Variants in PRKAR1A observed in about 807,000 individuals in gnomAD.
The protein encoded by PRKAR1A is protein kinase cAMP-dependent type I regulatory subunit alpha, also known as cAMP-dependent protein kinase type I-alpha regulatory subunit.
In PRKAR1A, 3 loss-of-function variants were observed where a neutral mutation model predicts 52.0. The ratio of observed to expected loss-of-function variants is 0.06; its 90% CI spans 0.03 to 0.15. The LOEUF (loss-of-function observed/expected upper bound fraction) is 0.15. Ranked by LOEUF, PRKAR1A falls within the 10% of genes least tolerant of loss-of-function variation. PRKAR1A has a pLI of 1.00. For synonymous variants in PRKAR1A, 188 were observed against 168.4 expected (o/e 1.12, Z -0.90); for missense variants, 240 against 477.4 (o/e 0.50, Z 4.63).
the PRKAR1A span, chr17:68,427,118 G>A: frequency 1.2e-6 from 2 of 1,602,674 alleles, no homozygotes; most frequent in East Asian, 2.2e-5. Flanking sequence ...TCCCCTGTTG[G>A]CCCCGTGTCC....
At chr17:68,425,063 G>A in the PRKAR1A span, among the ~76,000 whole-genome samples, 2,566 of 152,298 alleles carry the variant, frequency 0.017, 82 homozygotes, top group African/African-American at 0.059. Context: ...TCCAGGTGAT[G>A]GAAGAAGCCA....
chr17:68,484,800 G>C, the PRKAR1A span, among the ~76,000 whole-genome samples: 2 of 152,142 alleles, frequency 1.3e-5, no homozygotes, highest in Non-Finnish European at 2.9e-5. Context: ...AGCAAGTGAG[G>C]GTGAAGTCTC....
At chr17:68,514,985 A>G (rs913001691) in intron 1 of PRKAR1A, 2 of 273,874 alleles carry the variant, frequency 7.3e-6, no homozygotes, top group Non-Finnish European at 1.4e-5. Context: ...TTTCGCTTAC[A>G]GTTGACTTTT....
intron 2 of PRKAR1A, among the ~76,000 whole-genome samples, chr17:68,518,255 G>A (rs2085493067): frequency 6.6e-6 from 1 of 152,210 alleles, no homozygotes; most frequent in African/African-American, 2.4e-5. Flanking sequence ...GTTCCATTAG[G>A]CAGTGCTGCA....
chr17:68,545,957 C>T (rs2086535886), intron 11 of PRKAR1A, among the ~76,000 whole-genome samples: 1 of 152,138 alleles, frequency 6.6e-6, no homozygotes, highest in Non-Finnish European at 1.5e-5. Context: ...ATCACGAGGT[C>T]AGGTGATTGA....
the PRKAR1A span, among the ~76,000 whole-genome samples, chr17:68,419,636 G>A: frequency 6.6e-6 from 1 of 152,082 alleles, no homozygotes; most frequent in Non-Finnish European, 1.5e-5. Context: ...ATGTTCTACT[G>A]GCCCTGAAGG....
the PRKAR1A span, chr17:68,425,790 G>T: frequency 2.8e-6 from 1 of 351,716 alleles, no homozygotes. Context: ...CAGAAGCAAA[G>T]TAAGGGATCG....
chr17:68,529,238 A>G (rs917746775), intron 9 of PRKAR1A, among the ~76,000 whole-genome samples: 1 of 152,228 alleles, frequency 6.6e-6, no homozygotes, highest in African/African-American at 2.4e-5. Flanking sequence ...GGCCCTAGAC[A>G]TGAAAAGCCA....
At position 68,520,953 on chromosome 17, in the gene PRKAR1A, TA is replaced by T. The variant is rs751137024; in HGVS notation, c.178-1802del. On this transcript the variant is annotated intron_variant, in intron 2 of 10. Coordinates refer to ENST00000589228, the MANE Select transcript of PRKAR1A (RefSeq NM_002734.5). ...GTGTGTTTTATTTTATTTTTATTAT[TA>T]TTTTTTTGAGACAGTCTTGCTCTGT... Among the ~76,000 whole-genome samples, 179 of 152,304 alleles carry T rather than the reference TA, an allele frequency of 1.2e-3. 2 individuals carry two copies. Among genetic ancestry groups the T allele is most frequent in the Non-Finnish European group, 1.7e-3 (114 of 68,024 alleles).
chr17:68,457,929 G>A, the PRKAR1A span, among the ~76,000 whole-genome samples: 1 of 152,180 alleles, frequency 6.6e-6, no homozygotes, highest in Non-Finnish European at 1.5e-5. Flanking sequence ...AGATCTGCTG[G>A]TTTCAGTCCG....
intron 11 of PRKAR1A, chr17:68,541,876 G>A: frequency 1.5e-6 from 2 of 1,309,440 alleles, no homozygotes; most frequent in Non-Finnish European, 2.1e-6. Context: ...GGGCAAAGGA[G>A]TATTGAGGCA....
intron 11 of PRKAR1A, chr17:68,539,267 C>G: frequency 6.6e-7 from 1 of 1,525,936 alleles, no homozygotes; most frequent in Non-Finnish European, 9.1e-7. Context: ...GCCCTTCAGA[C>G]CTTGGCTGCA....
At chr17:68,427,359 T>C in the PRKAR1A span, 4 of 836,308 alleles carry the variant, frequency 4.8e-6, no homozygotes, top group Non-Finnish European at 7.6e-6. Flanking sequence ...GCTCTGTGGG[T>C]TATTTATTTA....
the PRKAR1A span, among the ~76,000 whole-genome samples, chr17:68,417,733 ATTTTTTTTTTTTTT>A: frequency 0.033 from 1,989 of 60,966 alleles, 89 homozygotes; most frequent in African/African-American, 0.11. Flanking sequence ...GAGTTGCTGA[ATTTTTTTTTTTTTT>A]TTTTTTTTTT....
At chr17:68,457,144 G>C in the PRKAR1A span, among the ~76,000 whole-genome samples, 1 of 152,092 alleles carries the variant, frequency 6.6e-6, no homozygotes, top group Non-Finnish European at 1.5e-5. Context: ...GACACTGGGA[G>C]TGGGGTGGGG....
At chr17:68,549,882 A>G (rs1270472248) in intron 11 of PRKAR1A, among the ~76,000 whole-genome samples, 1 of 152,202 alleles carries the variant, frequency 6.6e-6, no homozygotes, top group Non-Finnish European at 1.5e-5. Flanking sequence ...ATTTATTTAC[A>G]TATTTTAGTA....
intron 3 of PRKAR1A, 23 bp downstream of exon 3, chr17:68,522,949 G>T (rs373954801): frequency 1.2e-6 from 2 of 1,611,430 alleles, no homozygotes; most frequent in Admixed American, 1.7e-5. Context: ...TTTGAATATC[G>T]GGGGGATGCT....
At chr17:68,443,359 C>T in the PRKAR1A span, among the ~76,000 whole-genome samples, 4 of 152,140 alleles carry the variant, frequency 2.6e-5, no homozygotes, top group East Asian at 1.9e-4. Context: ...GTGATCCACC[C>T]GCCTCGGCCT....
chr17:68,457,304 T>A, the PRKAR1A span: 1 of 1,536,472 alleles, frequency 6.5e-7, no homozygotes, highest in Non-Finnish European at 8.8e-7. Context: ...TGACACTCTG[T>A]CCCCCACCTC....
Sources: gnomAD v4.1 joint callset for allele counts (sites outside exome capture counted in the v4.1 genomes callset) on GRCh38, gnomAD v4.1.1 for gene constraint, MANE v1.5 for transcripts, NCBI Gene and HGNC (gene_info 2026-07-23, HGNC 2026-07-21) for gene names.